Variants in GRIK1 observed in about 807,000 individuals in gnomAD.
The protein encoded by GRIK1 is glutamate receptor ionotropic, kainate 1.
GRIK1 carries 69 observed loss-of-function variants against 105.7 expected under a neutral mutation model. That is an observed-to-expected ratio of 0.65 (90% confidence interval 0.54 to 0.80). The LOEUF is 0.80. GRIK1 is among the 30% of genes least tolerant of loss of function. The probability of loss-of-function intolerance (pLI) is 0.00; values close to 1 mark genes in which losing one functional copy is unlikely to be tolerated. For synonymous variants in GRIK1, 438 were observed against 431.3 expected, an observed-to-expected ratio of 1.02 and a Z score of -0.19; for missense variants, 1,109 against 1,167.3, an observed-to-expected ratio of 0.95 and a Z score of 0.73.
intron 1 of GRIK1, among the ~76,000 whole-genome samples, chr21:29,905,060 GAAAATTTAGAAT>G (rs1338275171): frequency 6.6e-6 from 1 of 152,158 alleles, no homozygotes; most frequent in Non-Finnish European, 1.5e-5. Context: ...GAAACATACT[GAAAATTTAGAAT>G]CAGAGGGTCA....
intron 1 of GRIK1, among the ~76,000 whole-genome samples, chr21:29,923,124 A>G (rs1378010368): frequency 6.6e-6 from 1 of 152,182 alleles, no homozygotes; most frequent in African/African-American, 2.4e-5. Flanking sequence ...AGTATGAATT[A>G]TGCTGTAGAT....
chr21:29,693,266 C>A (rs1175600747), intron 2 of GRIK1, among the ~76,000 whole-genome samples: 1 of 152,118 alleles, frequency 6.6e-6, no homozygotes, highest in Admixed American at 6.5e-5. Flanking sequence ...CTAAGCAAGC[C>A]CCACAATTCC....
chr21:29,712,123 C>CAT (rs1389599263), intron 1 of GRIK1, among the ~76,000 whole-genome samples: 1 of 147,032 alleles, frequency 6.8e-6, no homozygotes, highest in African/African-American at 2.5e-5. Flanking sequence ...CACACACACA[C>CAT]ATATATATAG....
At chr21:29,719,446 C>T (rs892634886) in intron 1 of GRIK1, among the ~76,000 whole-genome samples, 7 of 151,954 alleles carry the variant, frequency 4.6e-5, no homozygotes, top group African/African-American at 1.4e-4. Context: ...AGAGCTTGTT[C>T]CTTTATCTTC....
At position 29,642,942 on chromosome 21, in the gene GRIK1, C is replaced by G; in HGVS notation, c.982G>C (p.Val328Leu). The change falls in exon 7 of 18, where the codon GTG becomes CTG. Residue 328 changes from valine (V) to leucine (L), a missense_variant. Around this residue, in one of 5 missense-constraint regions of GRIK1, gnomAD observed 612 missense variants for 586.0 expected, o/e 1.04. Coordinates refer to ENST00000327783, the MANE Select transcript of GRIK1 (RefSeq NM_001330994.2). ...TGCGAGGCAATGGCCACCATGTACA[C>G]AGCATCGTACATCAGAGCCGCTTCA... ...TTEAALMYDAVYMVAIASHRA... is the reference protein window; with the variant it reads ...TTEAALMYDALYMVAIASHRA... The G allele has an allele frequency of 6.2e-7, 1 of 1,613,816 alleles. No homozygotes were observed. The highest frequency in any genetic ancestry group is 8.5e-7 in the Non-Finnish European group (1 of 1,179,662).
At chr21:29,696,554 A>T (rs533533526) in intron 1 of GRIK1, among the ~76,000 whole-genome samples, 2 of 152,366 alleles carry the variant, frequency 1.3e-5, no homozygotes, top group East Asian at 1.9e-4. Flanking sequence ...GAAGGTGGAC[A>T]TAAGTCCGTC....
chr21:29,731,294 G>A (rs1258214100), intron 1 of GRIK1, among the ~76,000 whole-genome samples: 1 of 152,154 alleles, frequency 6.6e-6, no homozygotes, highest in African/African-American at 2.4e-5. Flanking sequence ...TGGCCCTCCA[G>A]AAAATTGACA....
chr21:29,932,523 T>A (rs1318044233), intron 1 of GRIK1, among the ~76,000 whole-genome samples: 2 of 152,108 alleles, frequency 1.3e-5, no homozygotes, highest in South Asian at 2.1e-4. Flanking sequence ...CTTTCCTTTT[T>A]AAAAATTTTC....
intron 1 of GRIK1, among the ~76,000 whole-genome samples, chr21:29,919,120 C>T (rs937430638): frequency 3.9e-5 from 6 of 152,036 alleles, no homozygotes; most frequent in Non-Finnish European, 8.8e-5. Flanking sequence ...GGAGGAGGAA[C>T]TCAGCCACAA....
At chr21:29,712,638 T>C (rs2064085005) in intron 1 of GRIK1, among the ~76,000 whole-genome samples, 2 of 152,206 alleles carry the variant, frequency 1.3e-5, no homozygotes, top group South Asian at 4.1e-4. Context: ...TGAACGTTTT[T>C]CCACAATGAT....
chr21:29,695,629 C>T (rs936467956), intron 1 of GRIK1, among the ~76,000 whole-genome samples: 1 of 152,096 alleles, frequency 6.6e-6, no homozygotes, highest in Non-Finnish European at 1.5e-5. Flanking sequence ...CATGCACCAC[C>T]ATGACTGGCT....
chr21:29,918,449 A>C (rs376235188), intron 1 of GRIK1, among the ~76,000 whole-genome samples: 1 of 152,078 alleles, frequency 6.6e-6, no homozygotes, highest in African/African-American at 2.4e-5. Context: ...ACATACTTAG[A>C]TATGAAGCGG....
At chr21:29,802,915 C>G (rs1023029868) in intron 1 of GRIK1, among the ~76,000 whole-genome samples, 2 of 152,110 alleles carry the variant, frequency 1.3e-5, no homozygotes, top group Non-Finnish European at 2.9e-5. Context: ...CACTATATAA[C>G]GCTGGATGCA....
chr21:29,537,677 C>T, intron 17 of GRIK1, 121 bp downstream of exon 17: 2 of 771,532 alleles, frequency 2.6e-6, no homozygotes, highest in East Asian at 2.4e-5. Flanking sequence ...GATAACTTAC[C>T]TTTGCTGAGA....
At chr21:29,708,812 AT>A (rs997851762) in intron 1 of GRIK1, among the ~76,000 whole-genome samples, 1 of 151,790 alleles carries the variant, frequency 6.6e-6, no homozygotes, top group African/African-American at 2.4e-5. Flanking sequence ...TTTAATTTTT[AT>A]TTTTTTTGGA....
intron 9 of GRIK1, among the ~76,000 whole-genome samples, chr21:29,594,342 G>T (rs1287302204): frequency 1.3e-5 from 2 of 152,206 alleles, no homozygotes; most frequent in African/African-American, 4.8e-5. Context: ...TGATTCATGT[G>T]TGCTGGAGAC....
At chr21:29,830,378 T>C (rs577315136) in intron 1 of GRIK1, among the ~76,000 whole-genome samples, 2 of 146,870 alleles carry the variant, frequency 1.4e-5, no homozygotes, top group African/African-American at 2.5e-5. Context: ...CACATATTCT[T>C]ATACAAAACA....
intron 1 of GRIK1, among the ~76,000 whole-genome samples, chr21:29,729,474 A>G (rs2064556300): frequency 6.6e-6 from 1 of 152,176 alleles, no homozygotes; most frequent in Non-Finnish European, 1.5e-5. Flanking sequence ...ATTCAGTATC[A>G]TTTCTGCAAC....
At chr21:29,840,277 A>G (rs1334933478) in intron 1 of GRIK1, among the ~76,000 whole-genome samples, 2 of 152,226 alleles carry the variant, frequency 1.3e-5, no homozygotes, top group African/African-American at 4.8e-5. Context: ...ACATGATTTT[A>G]GGAAAGGGGA....
Sources: allele counts gnomAD v4.1 joint callset (sites outside exome capture counted in the v4.1 genomes callset), GRCh38; gene constraint gnomAD v4.1.1; regional missense constraint gnomAD v4.1.1; transcripts MANE v1.5; gene names NCBI Gene and HGNC (gene_info 2026-07-23, HGNC 2026-07-21).